DLGAP2: variants seen among roughly 807,000 people sequenced by gnomAD.
DLGAP2 encodes the protein disks large-associated protein 2.
DLGAP2 carries 26 observed loss-of-function variants against 100.3 expected under a neutral mutation model. That is an observed-to-expected ratio of 0.26 (90% CI 0.19 to 0.36). The LOEUF (loss-of-function observed/expected upper bound fraction) is 0.36. Among genes scored for constraint, DLGAP2 ranks in the 10% least tolerant of loss-of-function variants. DLGAP2 has a pLI of 1.00. For synonymous variants in DLGAP2, 886 were observed against 630.1 expected (o/e 1.41, Z -6.08); for missense variants, 1,858 against 1,453.2 (o/e 1.28, Z -4.53).
rs150917279 is a variant in DLGAP2 at position 1,047,299 on chromosome 8, T to G, written c.73+139333T>G. Among the ~76,000 whole-genome samples, 731 of 152,372 alleles carry G rather than the reference T, an allele frequency of 4.8e-3. 8 individuals carry two copies. The highest frequency in any genetic ancestry group is 0.017 in the African/African-American group (696 of 41,594). ...AAGGTTGTCAAGCTTCTATATTTTA[T>G]GATATACAGGTTGAGTATCTCTTAT... On this transcript the variant is annotated intron_variant, in intron 2 of 14. Coordinates refer to ENST00000637795, the MANE Select transcript of DLGAP2 (RefSeq NM_001346810.2).
At chr8:1,503,817 T>G (rs1430457860) in intron 4 of DLGAP2, among the ~76,000 whole-genome samples, 1 of 151,974 alleles carries the variant, frequency 6.6e-6, no homozygotes, top group African/African-American at 2.4e-5. Context: ...AATGAGAGAA[T>G]TTGGTGACGG....
At chr8:1,510,378 C>T (rs976051014) in intron 4 of DLGAP2, among the ~76,000 whole-genome samples, 7 of 152,210 alleles carry the variant, frequency 4.6e-5, no homozygotes, top group African/African-American at 1.7e-4. Flanking sequence ...AGGAACTCTG[C>T]AGTGCGTGAC....
At chr8:1,500,956 T>G (rs1036738931) in intron 3 of DLGAP2, among the ~76,000 whole-genome samples, 2 of 152,188 alleles carry the variant, frequency 1.3e-5, no homozygotes, top group Admixed American at 1.3e-4. Flanking sequence ...AGGAAAGTCT[T>G]TCTCATGGGC....
intron 3 of DLGAP2, among the ~76,000 whole-genome samples, chr8:1,265,855 G>C (rs1799439640): frequency 6.6e-6 from 1 of 152,190 alleles, no homozygotes. Context: ...AGAGTAGACA[G>C]GTAGGGGAGG....
intron 2 of DLGAP2, among the ~76,000 whole-genome samples, chr8:1,013,052 G>A (rs1363639364): frequency 2.0e-5 from 3 of 152,118 alleles, no homozygotes; most frequent in Non-Finnish European, 4.4e-5. Context: ...AGATGCTGGG[G>A]TCTCCATGCT....
intron 2 of DLGAP2, among the ~76,000 whole-genome samples, chr8:994,330 A>G (rs1235356247): frequency 2.6e-5 from 4 of 152,070 alleles, no homozygotes; most frequent in Non-Finnish European, 1.5e-5. Context: ...CCTCCCGAGT[A>G]GCTGGGATTA....
chr8:782,039 T>A (rs1563429297), intron 1 of DLGAP2, among the ~76,000 whole-genome samples: 1 of 152,134 alleles, frequency 6.6e-6, no homozygotes, highest in African/African-American at 2.4e-5. Flanking sequence ...TAACATTAAT[T>A]GATTGTACAT....
chr8:769,595 A>C (rs528721634), intron 1 of DLGAP2, among the ~76,000 whole-genome samples: 2 of 152,314 alleles, frequency 1.3e-5, no homozygotes, highest in Non-Finnish European at 2.9e-5. Context: ...TATTGATTCA[A>C]AATTTTGATG....
chr8:795,623 T>TGAGAGCAGGTGTCCAG (rs1796009979), intron 1 of DLGAP2, among the ~76,000 whole-genome samples: 1 of 149,354 alleles, frequency 6.7e-6, no homozygotes, highest in African/African-American at 2.5e-5. Flanking sequence ...AGGTGTCCAG[T>TGAGAGCAGGTGTCCAG]GAGAGCAGGC....
chr8:946,498 T>C lies in DLGAP2; in HGVS notation c.73+38532T>C, dbSNP rs188193723. On this transcript the variant is annotated intron_variant, in intron 2 of 14. Coordinates refer to ENST00000637795, the MANE Select transcript of DLGAP2 (RefSeq NM_001346810.2). Reference sequence around the variant, plus strand: ...CAGGATGGTCTCGATCTCCTGACCTTGTGATCTGCCCGCCTTGGCCTCCCA... The same window carrying C: ...CAGGATGGTCTCGATCTCCTGACCTCGTGATCTGCCCGCCTTGGCCTCCCA... Among the ~76,000 whole-genome samples the C allele has an allele frequency of 5.4e-3, 820 of 152,082 alleles. 3 individuals carry two copies. The highest frequency in any genetic ancestry group is 0.015 in the South Asian group (72 of 4,812).
intron 3 of DLGAP2, among the ~76,000 whole-genome samples, chr8:1,442,567 C>T (rs1797867785): frequency 6.9e-6 from 1 of 145,510 alleles, no homozygotes; most frequent in African/African-American, 2.6e-5. Flanking sequence ...GGGCGTAGAC[C>T]CGCCAGGCTG....
intron 3 of DLGAP2, among the ~76,000 whole-genome samples, chr8:1,343,960 CA>C (rs1422073412): frequency 7.2e-5 from 11 of 152,216 alleles, no homozygotes; most frequent in Non-Finnish European, 1.6e-4. Flanking sequence ...GGCAGGTGTA[CA>C]GAGAAACATG....
intron 8 of DLGAP2, among the ~76,000 whole-genome samples, chr8:1,656,718 A>G (rs527371077): frequency 6.6e-6 from 1 of 152,304 alleles, no homozygotes; most frequent in African/African-American, 2.4e-5. Context: ...TGCAATTTTT[A>G]TGGAATTCTT....
intron 2 of DLGAP2, among the ~76,000 whole-genome samples, chr8:1,183,137 G>C (rs1373189852): frequency 6.6e-6 from 1 of 152,028 alleles, no homozygotes; most frequent in African/African-American, 2.4e-5. Context: ...TTGTGGGTGG[G>C]GCAGGGAAAC....
rs181152839 is a variant in DLGAP2, at chr8:1,377,380, A to T, written c.106+118497A>T. 4.4e-3 allele frequency among the ~76,000 whole-genome samples: 672 copies of T among 152,256 alleles called. 5 individuals carry two copies. The highest frequency in any genetic ancestry group is 0.015 in the African/African-American group (627 of 41,554). Reference sequence around the variant, plus strand: ...TAATATGGTGAAACCCCGTCTCTACAGAAAATACAAAAAATTAGCCAGGCG... The same window carrying T: ...TAATATGGTGAAACCCCGTCTCTACTGAAAATACAAAAAATTAGCCAGGCG... On this transcript the variant is annotated intron_variant, in intron 3 of 14. Coordinates refer to ENST00000637795, the MANE Select transcript of DLGAP2 (RefSeq NM_001346810.2).
intron 2 of DLGAP2, among the ~76,000 whole-genome samples, chr8:1,223,254 T>G (rs1798352546): frequency 6.6e-6 from 1 of 152,144 alleles, no homozygotes; most frequent in Non-Finnish European, 1.5e-5. Flanking sequence ...GGGATCTGTG[T>G]CCTCACTGTC....
At chr8:1,580,155 C>G (rs1173490918) in intron 6 of DLGAP2, among the ~76,000 whole-genome samples, 1 of 152,188 alleles carries the variant, frequency 6.6e-6, no homozygotes, top group East Asian at 1.9e-4. Flanking sequence ...GCAATCAATA[C>G]AAGATTCAGA....
intron 4 of DLGAP2, among the ~76,000 whole-genome samples, chr8:1,512,342 C>T (rs542637043): frequency 5.3e-5 from 8 of 152,316 alleles, no homozygotes; most frequent in African/African-American, 9.6e-5. Context: ...TTATTTCACA[C>T]GGTTTCATAA....
chr8:1,335,294 G>T (rs932433822), intron 3 of DLGAP2, among the ~76,000 whole-genome samples: 3 of 152,184 alleles, frequency 2.0e-5, no homozygotes, highest in South Asian at 2.1e-4. Flanking sequence ...TGAGGATGCT[G>T]CTGGAGAAAC....
Sources: gnomAD v4.1 joint callset for allele counts (sites outside exome capture counted in the v4.1 genomes callset) on GRCh38, gnomAD v4.1.1 for gene constraint, MANE v1.5 for transcripts, NCBI Gene and HGNC (gene_info 2026-07-23, HGNC 2026-07-21) for gene names.